VDR: variants seen among roughly 807,000 people sequenced by gnomAD.
VDR encodes the protein vitamin D3 receptor.
Under a neutral mutation model 39.7 loss-of-function variants are expected in VDR, and 19 were observed. The observed-to-expected ratio is 0.48, with a 90% CI of 0.33 to 0.70. VDR has a LOEUF of 0.70. Among genes scored for constraint, VDR ranks in the 30% least tolerant of loss-of-function variants. The probability of loss-of-function intolerance (pLI) is 0.02; values close to 1 mark genes in which losing one functional copy is unlikely to be tolerated. For missense variants in VDR, 442 were observed against 570.5 expected, an observed-to-expected ratio of 0.77 and a Z score of 2.29; for synonymous variants, 242 against 215.8, an observed-to-expected ratio of 1.12 and a Z score of -1.07.
chr12:47,888,550 C>G (rs946678384), intron 1 of VDR, among the ~76,000 whole-genome samples: 4 of 152,216 alleles, frequency 2.6e-5, no homozygotes, highest in Non-Finnish European at 4.4e-5. Flanking sequence ...AATGGAAACT[C>G]TGCCCTTAGC....
intron 1 of VDR, among the ~76,000 whole-genome samples, chr12:47,899,362 C>T (rs1946518590): frequency 6.6e-6 from 1 of 152,242 alleles, no homozygotes; most frequent in Non-Finnish European, 1.5e-5. Flanking sequence ...TTTCAAGGGC[C>T]TACTGTGTGC....
chr12:47,879,161 C>T (rs775908335), intron 2 of VDR, 46 bp from the exon 3 acceptor site: 1 of 1,597,850 alleles, frequency 6.3e-7, no homozygotes, highest in Non-Finnish European at 8.5e-7. Context: ...GAGTCAGTGC[C>T]AGGGCCAGCT....
chr12:47,883,273 T>C (rs1057050354), intron 1 of VDR, among the ~76,000 whole-genome samples: 8 of 152,138 alleles, frequency 5.3e-5, no homozygotes, highest in African/African-American at 1.9e-4. Context: ...GAGCTGGGAA[T>C]GGGGCAGGCT....
chr12:47,886,822 C>G (rs1276099712), intron 1 of VDR, among the ~76,000 whole-genome samples: 1 of 152,236 alleles, frequency 6.6e-6, no homozygotes, highest in Non-Finnish European at 1.5e-5. Flanking sequence ...CCTCCCACGG[C>G]AATCCACTCT....
chr12:47,858,999 C>T (rs534563370), intron 4 of VDR, among the ~76,000 whole-genome samples: 13 of 152,204 alleles, frequency 8.5e-5, no homozygotes, highest in Non-Finnish European at 1.9e-4. Context: ...GAGTAGACCA[C>T]ACCCAGGTGA....
intron 1 of VDR, among the ~76,000 whole-genome samples, chr12:47,891,222 C>T (rs565878026): frequency 6.6e-6 from 1 of 152,196 alleles, no homozygotes; most frequent in Non-Finnish European, 1.5e-5. Context: ...CCCCCAGAGC[C>T]CATTCCTGTC....
intron 7 of VDR, among the ~76,000 whole-genome samples, chr12:47,849,509 A>G (rs568122947): frequency 9.8e-5 from 15 of 152,370 alleles, no homozygotes; most frequent in South Asian, 6.2e-4. Flanking sequence ...TTTGTGCTCA[A>G]TAAACCCAGA....
At chr12:47,871,322 C>CTTTCTT (rs1945864920) in intron 3 of VDR, among the ~76,000 whole-genome samples, 1 of 142,078 alleles carries the variant, frequency 7.0e-6, no homozygotes, top group Middle Eastern at 3.2e-3. Context: ...TTCTTTCTTT[C>CTTTCTT]TTTCTTTCTT....
chr12:47,864,933 GCAGCTAC>G (rs1945696827), intron 4 of VDR, 107 bp downstream of exon 4: 1 of 1,561,618 alleles, frequency 6.4e-7, no homozygotes, highest in Admixed American at 1.7e-5. Context: ...CCAGATGCTG[GCAGCTAC>G]AGAGGAAGGG....
Position 47,844,893 on chromosome 12 carries a change from G to A in VDR, c.1137C>T (p.Leu379=). The A allele has an allele frequency of 6.2e-7, 1 of 1,614,208 alleles. No homozygotes were observed. The change falls in exon 10 of 10, where the codon CTC becomes CTT. Residue 379 remains leucine, a synonymous_variant. Transcript: ENST00000549336. ...CRHPPPGSHL[L]YAKMIQKLAD... is the part of the protein sequence containing the mutation. ...CTAGCTTCTGGATCATCTTGGCATA[G>A]AGCAGGTGGCTGCCCGGGGGCGGGT...
chr12:47,855,360 A>T (rs1592104941), intron 7 of VDR, among the ~76,000 whole-genome samples: 2 of 151,282 alleles, frequency 1.3e-5, no homozygotes, highest in African/African-American at 4.9e-5. Context: ...ATAAATAAAT[A>T]AATAAATAAA....
At chr12:47,861,488 T>A (rs534928306) in intron 4 of VDR, among the ~76,000 whole-genome samples, 62 of 152,252 alleles carry the variant, frequency 4.1e-4, no homozygotes, top group Non-Finnish European at 8.7e-4. Flanking sequence ...AAATGCACTG[T>A]GATTTACGAA....
At chr12:47,898,699 C>G (rs1234537513) in intron 1 of VDR, 1 of 155,286 alleles carries the variant, frequency 6.4e-6, no homozygotes, top group Non-Finnish European at 1.5e-5. Flanking sequence ...AACTCATGAA[C>G]TGCAGTGGTG....
chr12:47,859,915 T>TTCCTTCTTTC (rs1945585203), intron 4 of VDR, among the ~76,000 whole-genome samples: 1 of 35,590 alleles, frequency 2.8e-5, no homozygotes, highest in Non-Finnish European at 5.4e-5. Context: ...CCTTCCTTCC[T>TTCCTTCTTTC]TCTTTCTTTT....
chr12:47,890,396 T>TAA (rs1946347128), intron 1 of VDR, among the ~76,000 whole-genome samples: 1 of 146,380 alleles, frequency 6.8e-6, no homozygotes, highest in African/African-American at 2.6e-5. Flanking sequence ...TATATATATA[T>TAA]AAATCTAACA....
intron 1 of VDR, among the ~76,000 whole-genome samples, chr12:47,902,228 T>C (rs1946577298): frequency 6.6e-6 from 1 of 152,194 alleles, no homozygotes; most frequent in Admixed American, 6.5e-5. Flanking sequence ...GTTTGCAAGA[T>C]ACATTACACA....
chr12:47,880,204 A>G (rs146413889), intron 2 of VDR, among the ~76,000 whole-genome samples: 421 of 152,224 alleles, frequency 2.8e-3, no homozygotes, highest in Non-Finnish European at 4.9e-3. Context: ...CAGAAGAAAA[A>G]TAAGAGAGAA....
rs1373243024 is a variant in VDR at position 47,843,006 on chromosome 12, T to A, written c.*1740A>T. 1 of 152,180 alleles carries A rather than the reference T, an allele frequency of 6.6e-6. No homozygotes were observed. The highest frequency in any genetic ancestry group is 1.5e-5 in the Non-Finnish European group (1 of 68,034). 9.4% of individuals were successfully genotyped at this position (152,180 alleles called of 1,614,324 possible). On this transcript the variant is annotated 3_prime_UTR_variant, in exon 10 of 10. Coordinates refer to ENST00000549336, the MANE Select transcript of VDR (RefSeq NM_000376.3). ...ATGTACAGAAGTTTCACAATGTAAG[T>A]TCTCCCCCCATAAATATCTCCAAAT...
intron 1 of VDR, among the ~76,000 whole-genome samples, chr12:47,891,995 A>G (rs1468256914): frequency 6.6e-6 from 1 of 152,092 alleles, no homozygotes; most frequent in Non-Finnish European, 1.5e-5. Context: ...GGCAGCGAGA[A>G]CCGTGGAAGC....
Sources: gnomAD v4.1 joint callset for allele counts (sites outside exome capture counted in the v4.1 genomes callset) on GRCh38, gnomAD v4.1.1 for gene constraint, MANE v1.5 for transcripts, NCBI Gene and HGNC (gene_info 2026-07-23, HGNC 2026-07-21) for gene names.